The following DCLK1 variants were observed in gnomAD, a reference collection of about 807,000 sequenced individuals.
DCLK1 encodes doublecortin like kinase 1, also known as serine/threonine-protein kinase DCLK1.
A neutral mutation model predicts 86.2 loss-of-function variants in DCLK1; 16 were observed. The observed-to-expected ratio is 0.19, with a 90% CI of 0.13 to 0.28. DCLK1 has a LOEUF of 0.28. Ranked by LOEUF, DCLK1 falls within the 10% of genes least tolerant of loss-of-function variation. The pLI is 1.00. For synonymous variants in DCLK1, 369 were observed against 370.5 expected (o/e 1.00, Z 0.05); for missense variants, 590 against 940.2 (o/e 0.63, Z 4.87).
chr13:35,866,228 T>C (rs770711935), intron 5 of DCLK1, among the ~76,000 whole-genome samples: 9 of 152,172 alleles, frequency 5.9e-5, no homozygotes, highest in African/African-American at 2.2e-4. Context: ...TCAAAAAAGA[T>C]TGAAGAAATA....
intron 6 of DCLK1, among the ~76,000 whole-genome samples, chr13:35,841,982 A>G (rs1386777769): frequency 6.6e-6 from 1 of 151,814 alleles, no homozygotes; most frequent in Non-Finnish European, 1.5e-5. Context: ...CTGTCCAAAT[A>G]CTTCTAGTAC....
intron 4 of DCLK1, among the ~76,000 whole-genome samples, chr13:35,933,540 A>C (rs886613183): frequency 6.6e-6 from 1 of 152,164 alleles, no homozygotes; most frequent in African/African-American, 2.4e-5. Context: ...CCAAACCCCA[A>C]TTCTTGACTT....
intron 4 of DCLK1, among the ~76,000 whole-genome samples, chr13:35,930,513 A>G (rs1353208440): frequency 6.6e-6 from 1 of 152,224 alleles, no homozygotes; most frequent in Non-Finnish European, 1.5e-5. Context: ...AGGCAGAAGA[A>G]TCGTTTGAAC....
chr13:35,769,934 C>A lies in DCLK1; in HGVS notation c.*4601G>T, dbSNP rs1221058056. On this transcript the variant is annotated 3_prime_UTR_variant, in exon 17 of 17. Coordinates refer to ENST00000360631, the MANE Select transcript of DCLK1 (RefSeq NM_001330071.2). ...GTAAACCTCATGATCAAAACACATG[C>A]CAGTTAGAAACTTGATCACAGAAAT... 1 of 152,136 alleles carries A rather than the reference C, an allele frequency of 6.6e-6. No individual in the cohort carries two copies. The highest frequency in any genetic ancestry group is 2.4e-5 in the African/African-American group (1 of 41,430). The allele number at this position is 152,136 out of a possible 1,614,324, so 9.4% of individuals were successfully genotyped here. A position where few individuals can be genotyped will look rare whatever the true frequency, so the allele number is the denominator to read the frequency against.
chr13:36,111,754 C>G, intron 3 of DCLK1, 115 bp downstream of exon 3: 1 of 836,972 alleles, frequency 1.2e-6, no homozygotes, highest in East Asian at 2.6e-5. Flanking sequence ...ATTTGTTGAT[C>G]AAGTGACCCA....
chr13:35,888,072 A>AT (rs2153118512), intron 4 of DCLK1, among the ~76,000 whole-genome samples: 1 of 152,244 alleles, frequency 6.6e-6, no homozygotes, highest in Admixed American at 6.5e-5. Context: ...TGAGTTAATT[A>AT]TCAAGGATAA....
At chr13:35,830,834 C>T (rs865959793) in intron 8 of DCLK1, among the ~76,000 whole-genome samples, 2 of 152,300 alleles carry the variant, frequency 1.3e-5, no homozygotes, top group South Asian at 2.1e-4. Flanking sequence ...TGGACAGGAC[C>T]GTGCTGGTCA....
intron 4 of DCLK1, among the ~76,000 whole-genome samples, chr13:35,905,727 C>T (rs961112484): frequency 5.3e-5 from 8 of 152,218 alleles, no homozygotes; most frequent in Admixed American, 1.3e-4. Flanking sequence ...GGGTGGATCA[C>T]TTGAGATCAG....
At position 35,871,267 on chromosome 13, in the gene DCLK1, T is replaced by G. The variant is rs746379880; in HGVS notation, c.897A>C (p.Pro299=). ...SSSRRSTTKS[P]GPSRRSKSPA... ...GGGACTTGCTACGCCTGGACGGTCC[T>G]GGGCTCTTGGTGGTGCTCCTGCGGG... is the stretch of plus-strand genomic sequence containing the variant. Residue 299 remains proline (P), a synonymous_variant, in exon 5 of 17, where the codon CCA becomes CCC. Transcript: ENST00000360631. 1 of 1,614,064 alleles carries G rather than the reference T, an allele frequency of 6.2e-7. No homozygotes were observed.
chr13:35,952,008 C>T (rs1396319070), intron 3 of DCLK1, among the ~76,000 whole-genome samples: 1 of 152,138 alleles, frequency 6.6e-6, no homozygotes, highest in African/African-American at 2.4e-5. Flanking sequence ...TAACCCAGCA[C>T]TTCCACTTGG....
At chr13:35,982,992 G>A (rs1879734928) in intron 3 of DCLK1, among the ~76,000 whole-genome samples, 1 of 152,104 alleles carries the variant, frequency 6.6e-6, no homozygotes, top group Admixed American at 6.5e-5. Context: ...TCCAACTCCT[G>A]AGCTCAAGTG....
At position 35,899,362 on chromosome 13, in the gene DCLK1, TGTGTGTGAGAGAGA is replaced by T. The variant is rs1178863481; in HGVS notation, c.824-28036_824-28023del. Reference sequence around the variant, plus strand: ...AAGTGTGTGTGTGTGTGTGTGTGTGTGTGTGTGAGAGAGAGAGAGAGAGAGAGAAAGAAGACAAT... The same window carrying T: ...AAGTGTGTGTGTGTGTGTGTGTGTGTGAGAGAGAGAGAGAAAGAAGACAAT... On this transcript the variant is annotated intron_variant, in intron 4 of 16. Transcript: ENST00000360631. Among the ~76,000 whole-genome samples, 330 of 92,656 alleles carry T rather than the reference TGTGTGTGAGAGAGA, an allele frequency of 3.6e-3. 1 individual carries two copies. The highest frequency in any genetic ancestry group is 0.012 in the African/African-American group (311 of 26,290). The allele number at this position is 92,656 out of a possible 152,430, so 60.8% of individuals were successfully genotyped here. A position where few individuals can be genotyped will look rare whatever the true frequency, so the allele number is the denominator to read the frequency against.
intron 2 of DCLK1, among the ~76,000 whole-genome samples, chr13:36,122,746 C>T (rs1303035263): frequency 6.6e-6 from 1 of 152,034 alleles, no homozygotes; most frequent in South Asian, 2.1e-4. Flanking sequence ...TGAAAGCAAA[C>T]AAGAGTGTCA....
At chr13:35,793,830 C>G (rs776084986) in intron 15 of DCLK1, among the ~76,000 whole-genome samples, 6 of 152,100 alleles carry the variant, frequency 3.9e-5, no homozygotes, top group Non-Finnish European at 5.9e-5. Flanking sequence ...AAAAAAAATT[C>G]AATGTGAACA....
chr13:36,020,163 C>T (rs1881712919), intron 3 of DCLK1, among the ~76,000 whole-genome samples: 1 of 152,172 alleles, frequency 6.6e-6, no homozygotes, highest in Non-Finnish European at 1.5e-5. Flanking sequence ...TGGTGCCATG[C>T]TTCTTGTACA....
intron 16 of DCLK1, among the ~76,000 whole-genome samples, chr13:35,791,806 T>C (rs2086712018): frequency 6.6e-6 from 1 of 152,152 alleles, no homozygotes; most frequent in South Asian, 2.1e-4. Flanking sequence ...CTCTAGCAGC[T>C]GTAAGCCCTT....
rs530969979 is a variant in DCLK1, at chr13:35,932,145, C to T, written c.823+15213G>A. ...ACGTAGGTAGGCCTCATCCAATCCA[C>T]GAAAGCCTGAACAGAACAAAAGGTA... On this transcript the variant is annotated intron_variant, in intron 4 of 16. Coordinates refer to ENST00000360631, the MANE Select transcript of DCLK1 (RefSeq NM_001330071.2). Among the ~76,000 whole-genome samples the T allele has an allele frequency of 7.5e-4, 114 of 152,278 alleles. 1 individual carries two copies. Among genetic ancestry groups the T allele is most frequent in the Non-Finnish European group, 9.6e-4 (65 of 68,016 alleles).
chr13:35,922,215 T>G (rs769978791), intron 4 of DCLK1, among the ~76,000 whole-genome samples: 3 of 152,232 alleles, frequency 2.0e-5, no homozygotes, highest in Non-Finnish European at 4.4e-5. Flanking sequence ...AATTTTTTAA[T>G]GTAAATAATA....
At chr13:36,054,760 G>A (rs1238838117) in intron 3 of DCLK1, among the ~76,000 whole-genome samples, 1 of 152,170 alleles carries the variant, frequency 6.6e-6, no homozygotes, top group Non-Finnish European at 1.5e-5. Flanking sequence ...TAAGGAAACA[G>A]AAGCTAGGAG....
Sources: allele counts gnomAD v4.1 joint callset (sites outside exome capture counted in the v4.1 genomes callset), GRCh38; gene constraint gnomAD v4.1.1; transcripts MANE v1.5; gene names NCBI Gene and HGNC (gene_info 2026-07-23, HGNC 2026-07-21).